The following PTGFRN variants were observed in gnomAD, a reference collection of about 807,000 sequenced individuals.
PTGFRN encodes the protein prostaglandin F2 receptor inhibitor.
A neutral mutation model predicts 83.2 loss-of-function variants in PTGFRN; 35 were observed. That is an observed-to-expected ratio of 0.42 (90% CI 0.32 to 0.56). The LOEUF is 0.56. PTGFRN is among the 20% of genes least tolerant of loss of function. The pLI, the probability that PTGFRN is intolerant of heterozygous loss-of-function variation, is 0.11. For missense variants in PTGFRN, 1,051 were observed against 1,179.5 expected, an observed-to-expected ratio of 0.89 and a Z score of 1.60; for synonymous variants, 519 against 498.6, an observed-to-expected ratio of 1.04 and a Z score of -0.55.
chr1:116,969,075 CTT>C (rs1650919028), intron 6 of PTGFRN, among the ~76,000 whole-genome samples: 1 of 149,480 alleles, frequency 6.7e-6, no homozygotes, highest in Non-Finnish European at 1.5e-5. Flanking sequence ...AATGATGTCT[CTT>C]GAAACATCAA....
chr1:116,956,127 A>T (rs1259840008), intron 4 of PTGFRN, among the ~76,000 whole-genome samples: 2 of 152,210 alleles, frequency 1.3e-5, no homozygotes, highest in African/African-American at 4.8e-5. Context: ...TACTCCTACC[A>T]TTCTGACATG....
chr1:116,966,358 G>C (rs1164298033), intron 5 of PTGFRN, among the ~76,000 whole-genome samples: 1 of 152,230 alleles, frequency 6.6e-6, no homozygotes, highest in Admixed American at 6.5e-5. Flanking sequence ...AGTCATTTTA[G>C]CAATACATCT....
chr1:116,957,863 G>T (rs923062212), intron 4 of PTGFRN, among the ~76,000 whole-genome samples: 6 of 152,010 alleles, frequency 3.9e-5, no homozygotes, highest in Non-Finnish European at 8.8e-5. Flanking sequence ...GACATTATGT[G>T]GTATTTGTCT....
intron 1 of PTGFRN, among the ~76,000 whole-genome samples, chr1:116,911,414 C>T (rs550603134): frequency 9.9e-5 from 15 of 152,200 alleles, no homozygotes; most frequent in Non-Finnish European, 1.9e-4. Context: ...AGCTACTCCC[C>T]TGCTGGGGAC....
chr1:116,954,575 A>G (rs189263108), intron 4 of PTGFRN, among the ~76,000 whole-genome samples: 3 of 152,328 alleles, frequency 2.0e-5, no homozygotes, highest in East Asian at 3.9e-4. Context: ...ACATGGTCCT[A>G]TTGTACACAG....
In PTGFRN at chr1:116,910,271, C is replaced by CAGCGGGGCACACGGGGACT. The variant is rs1206846092; in HGVS notation, c.49+20_49+38dup. On this transcript the variant is annotated intron_variant, in intron 1 of 8. Transcript: ENST00000393203. ...TCGTTGGGTGAGTGTGCGCGGGGCT[C>CAGCGGGGCACACGGGGACT]AGCGGGGCACACGGGGACTGGCGAG... 7.1e-7 allele frequency: 1 copy of CAGCGGGGCACACGGGGACT among 1,406,718 alleles called. No individual in the cohort carries two copies. The highest frequency in any genetic ancestry group is 1.5e-5 in the South Asian group (1 of 65,028). 87.1% of individuals were successfully genotyped at this position (1,406,718 alleles called of 1,614,324 possible). A position where few individuals can be genotyped will look rare whatever the true frequency, so the allele number is the denominator to read the frequency against.
rs774479583 is a variant in PTGFRN at position 116,986,980 on chromosome 1, G to C, written c.*13G>C. The C allele has an allele frequency of 6.2e-7, 1 of 1,613,928 alleles. No individual in the cohort carries two copies. The highest frequency in any genetic ancestry group is 1.1e-5 in the South Asian group (1 of 91,050). On this transcript the variant is annotated 3_prime_UTR_variant, in exon 9 of 9. Transcript: ENST00000393203. ...GGAGATGGACTAGGCTGGCCCGGGA[G>C]GGGAGTGACAGAGGGACGTTCTAGG...
chr1:116,946,528 C>T (rs1397754416), intron 3 of PTGFRN, among the ~76,000 whole-genome samples: 2 of 152,134 alleles, frequency 1.3e-5, no homozygotes, highest in African/African-American at 2.4e-5. Flanking sequence ...AAAGTTTACG[C>T]TTTTTTGGAA....
Position 116,952,190 on chromosome 1 carries a change from G to A in PTGFRN, c.1213+2618G>A, listed in dbSNP as rs1398406497. On this transcript the variant is annotated intron_variant, in intron 4 of 8. Coordinates refer to ENST00000393203, the MANE Select transcript of PTGFRN (RefSeq NM_020440.4). The surrounding 1 kb of genome is among the most constrained non-coding windows in gnomAD (Gnocchi z 4.0). ...AATGTGAAAATATTTTTGGCCTTGG[G>A]ACTCAGCTTCATTCCTGAAACTCCA... is the stretch of plus-strand genomic sequence containing the variant. 6.6e-6 allele frequency among the ~76,000 whole-genome samples: 1 copy of A among 152,160 alleles called. No homozygotes were observed. Among genetic ancestry groups the A allele is most frequent in the African/African-American group, 2.4e-5 (1 of 41,426 alleles).
intron 7 of PTGFRN, among the ~76,000 whole-genome samples, chr1:116,974,682 A>G (rs941037898): frequency 4.6e-5 from 7 of 152,220 alleles, no homozygotes; most frequent in African/African-American, 1.4e-4. Flanking sequence ...TTCCTTTGGT[A>G]TACAAGTGCT....
At chr1:116,975,468 A>AC (rs1034990037) in intron 7 of PTGFRN, among the ~76,000 whole-genome samples, 4 of 151,948 alleles carry the variant, frequency 2.6e-5, no homozygotes, top group African/African-American at 9.7e-5. Context: ...ACTGGGAGGA[A>AC]CCCCCCAGTA....
chr1:116,953,031 C>G (rs1238887268), intron 4 of PTGFRN, among the ~76,000 whole-genome samples: 1 of 152,186 alleles, frequency 6.6e-6, no homozygotes, highest in Non-Finnish European at 1.5e-5. Flanking sequence ...CTTAAATGAG[C>G]CTTTGGCAAG....
Position 116,910,028 on chromosome 1 carries a change from C to A in PTGFRN, c.-176C>A. ...AGGAGGCGGGAGGGAGCGAGCGGAG[C>A]CAGGGGCGCACGTACGCCCCAGCGC... is the stretch of plus-strand genomic sequence containing the variant. On this transcript the variant is annotated 5_prime_UTR_variant, in exon 1 of 9. Coordinates refer to ENST00000393203, the MANE Select transcript of PTGFRN (RefSeq NM_020440.4). 1.4e-6 allele frequency: 1 copy of A among 727,808 alleles called. No homozygotes were observed. The allele number at this position is 727,808 out of a possible 1,614,324, so 45.1% of individuals were successfully genotyped here. A position where few individuals can be genotyped will look rare whatever the true frequency, so the allele number is the denominator to read the frequency against.
intron 1 of PTGFRN, among the ~76,000 whole-genome samples, chr1:116,915,328 G>A (rs1039305210): frequency 6.6e-6 from 1 of 152,212 alleles, no homozygotes; most frequent in Non-Finnish European, 1.5e-5. Flanking sequence ...ACCCTAGCAG[G>A]TGGCCATGCC....
Position 116,927,705 on chromosome 1 carries a change from AT to A in PTGFRN, c.50-13996del, listed in dbSNP as rs1223484896. On this transcript the variant is annotated intron_variant, in intron 1 of 8. Coordinates refer to ENST00000393203, the MANE Select transcript of PTGFRN (RefSeq NM_020440.4). ...CATGCCACCATGCCCAGCTAATTAAATTTTTTTTTTTTTTATAGAGACGAGA... is the reference window on the plus strand; with the variant it reads ...CATGCCACCATGCCCAGCTAATTAAATTTTTTTTTTTTTATAGAGACGAGA... Among the ~76,000 whole-genome samples the A allele has an allele frequency of 5.9e-3, 840 of 143,028 alleles. 8 individuals are homozygous for A. Among genetic ancestry groups the A allele is most frequent in the African/African-American group, 0.017 (675 of 39,072 alleles). The allele number at this position is 143,028 out of a possible 152,430, so 93.8% of individuals were successfully genotyped here.
At chr1:116,914,540 C>G (rs188393964) in intron 1 of PTGFRN, among the ~76,000 whole-genome samples, 1 of 152,122 alleles carries the variant, frequency 6.6e-6, no homozygotes. Context: ...TGCTTGAGAT[C>G]AGGAGATCGA....
chr1:116,912,990 T>G lies in PTGFRN; in HGVS notation c.49+2738T>G, dbSNP rs564931835. On this transcript the variant is annotated intron_variant, in intron 1 of 8. Transcript: ENST00000393203. ...GCAGGTTTCACATCCATTGCCTATG[T>G]CTGACCTGTCTTGCCCATCCACTCA... Among the ~76,000 whole-genome samples the G allele has an allele frequency of 1.3e-3, 195 of 152,346 alleles. 3 individuals carry two copies. The highest frequency in any genetic ancestry group is 1.3e-3 in the Non-Finnish European group (87 of 68,040).
At position 116,961,350 on chromosome 1, in the gene PTGFRN, G is replaced by A. The variant is rs1295812305; in HGVS notation, c.1321G>A (p.Val441Ile). ...VVDTKSGEANVRFTVSWYYRM... is the reference protein window; with the variant it reads ...VVDTKSGEANIRFTVSWYYRM... ...GGACACGAAGAGTGGGGAGGCGAAT[G>A]TCCGATTCACGGTTTCGTGGTACTA... The change falls in exon 5 of 9, where the codon GTC becomes ATC. Residue 441 changes from valine to isoleucine, a missense_variant. Val to Ile is a conservative substitution (Grantham distance 29). Transcript: ENST00000393203. This position sits in a 1 kb window ranked among gnomAD's most constrained non-coding sequence, Gnocchi z 5.4. The A allele has an allele frequency of 1.3e-6, 2 of 1,590,574 alleles. No homozygotes were observed. Among genetic ancestry groups the A allele is most frequent in the Non-Finnish European group, 8.6e-7 (1 of 1,165,868 alleles).
At chr1:116,929,704 A>G (rs1164982112) in intron 1 of PTGFRN, among the ~76,000 whole-genome samples, 1 of 152,096 alleles carries the variant, frequency 6.6e-6, no homozygotes, top group Non-Finnish European at 1.5e-5. Flanking sequence ...ACTGAATAGC[A>G]TTTGTCAGTG....
Sources: gnomAD v4.1 joint callset for allele counts (sites outside exome capture counted in the v4.1 genomes callset) on GRCh38, gnomAD v4.1.1 for gene constraint, Gnocchi (gnomAD v3.1) non-coding constraint, MANE v1.5 for transcripts, NCBI Gene and HGNC (gene_info 2026-07-23, HGNC 2026-07-21) for gene names.